Variants in ABLIM1 observed in about 807,000 individuals in gnomAD.
The protein encoded by ABLIM1 is actin binding LIM protein 1, also known as actin-binding LIM protein 1.
Under a neutral mutation model 107.0 loss-of-function variants are expected in ABLIM1, and 40 were observed. The ratio of observed to expected loss-of-function variants is 0.37; its 90% CI spans 0.29 to 0.49. The LOEUF (loss-of-function observed/expected upper bound fraction) is 0.49. Ranked by LOEUF, ABLIM1 falls within the 20% of genes least tolerant of loss-of-function variation. The pLI is 0.97. For synonymous variants in ABLIM1, 357 were observed against 357.3 expected (o/e 1.00, Z 0.01); for missense variants, 857 against 1,008.5 (o/e 0.85, Z 2.04).
At position 114,650,169 on chromosome 10, in the gene ABLIM1, A is replaced by C. The variant is rs536547060; in HGVS notation, c.244+7788T>G. Among the ~76,000 whole-genome samples the C allele has an allele frequency of 8.0e-4, 121 of 152,136 alleles. No individual in the cohort carries two copies. In the South Asian group the frequency reaches 0.024, roughly 31 times the overall value. ...TGTGCCCAGCCTCCACACAATCCAT[A>C]TTCCCTTTCTGTTAGCAGCTTTGTC... is the stretch of plus-strand genomic sequence containing the variant. On this transcript the variant is annotated intron_variant, in intron 1 of 22. Transcript: ENST00000533213.
chr10:114,754,444 T>C (rs1027624216), intron 1 of ABLIM1, among the ~76,000 whole-genome samples: 6 of 152,254 alleles, frequency 3.9e-5, no homozygotes, highest in African/African-American at 1.4e-4. Context: ...GAATGCAGTC[T>C]AGACGTGGCT....
chr10:114,610,937 A>G (rs945092994), intron 1 of ABLIM1, among the ~76,000 whole-genome samples: 1 of 152,038 alleles, frequency 6.6e-6, no homozygotes, highest in Non-Finnish European at 1.5e-5. Flanking sequence ...GCAGATCACG[A>G]GGTCAGGAGT....
intron 1 of ABLIM1, among the ~76,000 whole-genome samples, chr10:114,740,546 G>A (rs1214237522): frequency 1.3e-5 from 2 of 152,024 alleles, no homozygotes; most frequent in African/African-American, 2.4e-5. Context: ...AATGGAAAAT[G>A]TTTGAGTATG....
intron 1 of ABLIM1, among the ~76,000 whole-genome samples, chr10:114,758,576 C>T (rs1233309667): frequency 6.6e-6 from 1 of 152,172 alleles, no homozygotes; most frequent in Non-Finnish European, 1.5e-5. Context: ...CCCTCCTTCC[C>T]CCAGACTCTG....
chr10:114,516,305 C>G (rs1446912194), intron 6 of ABLIM1, among the ~76,000 whole-genome samples: 1 of 152,176 alleles, frequency 6.6e-6, no homozygotes, highest in African/African-American at 2.4e-5. Context: ...AGGCAGATCA[C>G]TTGAGGCCAG....
intron 4 of ABLIM1, among the ~76,000 whole-genome samples, chr10:114,566,056 A>G (rs1019183615): frequency 3.3e-5 from 5 of 152,078 alleles, no homozygotes; most frequent in Non-Finnish European, 5.9e-5. Flanking sequence ...CGGCCTCCCA[A>G]AGTGCCGGGA....
intron 1 of ABLIM1, among the ~76,000 whole-genome samples, chr10:114,643,522 T>C (rs1197435198): frequency 6.6e-6 from 1 of 152,144 alleles, no homozygotes; most frequent in Non-Finnish European, 1.5e-5. Context: ...ATCTTCAGGA[T>C]TTTTTAAGAA....
intron 12 of ABLIM1, among the ~76,000 whole-genome samples, chr10:114,457,602 C>T (rs2063065285): frequency 6.6e-6 from 1 of 152,142 alleles, no homozygotes. Context: ...AACTTTGAAC[C>T]CAACCCTGGC....
intron 4 of ABLIM1, among the ~76,000 whole-genome samples, chr10:114,561,623 C>T (rs2497738): frequency 0.37 from 56,634 of 152,070 alleles, 13,879 homozygotes; most frequent in African/African-American, 0.7. Flanking sequence ...ATTATAGATA[C>T]ACAAAGCAGT....
At chr10:114,518,285 A>C (rs541708282) in intron 6 of ABLIM1, among the ~76,000 whole-genome samples, 2 of 152,100 alleles carry the variant, frequency 1.3e-5, no homozygotes, top group Non-Finnish European at 2.9e-5. Context: ...CCCAACTCTC[A>C]ACAATAGCTA....
intron 1 of ABLIM1, among the ~76,000 whole-genome samples, chr10:114,724,054 G>A (rs886595760): frequency 2.0e-5 from 3 of 152,086 alleles, no homozygotes; most frequent in African/African-American, 7.2e-5. Context: ...ATTTATTTAT[G>A]AAAACCCTTT....
chr10:114,569,481 G>A (rs187832390), intron 4 of ABLIM1, among the ~76,000 whole-genome samples: 2 of 151,952 alleles, frequency 1.3e-5, no homozygotes, highest in East Asian at 1.9e-4. Flanking sequence ...CACCACGCTC[G>A]GCTAATTTTT....
intron 1 of ABLIM1, among the ~76,000 whole-genome samples, chr10:114,731,741 C>G (rs972801912): frequency 2.6e-5 from 4 of 152,054 alleles, no homozygotes; most frequent in Non-Finnish European, 5.9e-5. Flanking sequence ...TCCCAAGTAG[C>G]TAGGATTACA....
intron 8 of ABLIM1, among the ~76,000 whole-genome samples, chr10:114,485,057 G>A (rs1387613688): frequency 1.3e-5 from 2 of 152,280 alleles, no homozygotes; most frequent in Non-Finnish European, 2.9e-5. Flanking sequence ...GGGACCAAAA[G>A]ATAGCTTCTG....
chr10:114,509,322 G>T (rs1472440419), intron 6 of ABLIM1, among the ~76,000 whole-genome samples: 2 of 152,130 alleles, frequency 1.3e-5, no homozygotes, highest in African/African-American at 4.8e-5. Flanking sequence ...TGGTCTTTGT[G>T]GCCATTCGTG....
intron 1 of ABLIM1, among the ~76,000 whole-genome samples, chr10:114,730,330 A>G (rs2082045720): frequency 6.7e-6 from 1 of 150,176 alleles, no homozygotes; most frequent in South Asian, 2.1e-4. Flanking sequence ...CCTAAGAAGC[A>G]GAGGTTGCAG....
chr10:114,715,001 G>A (rs2081630821), intron 1 of ABLIM1, among the ~76,000 whole-genome samples: 2 of 152,088 alleles, frequency 1.3e-5, no homozygotes, highest in South Asian at 4.1e-4. Context: ...CTCAAAGGAA[G>A]AAGGAGAGAA....
upstream of ABLIM1, chr10:114,658,298 TC>T: frequency 6.6e-7 from 1 of 1,508,838 alleles, no homozygotes; most frequent in Non-Finnish European, 8.8e-7. Context: ...CCTTACTGTC[TC>T]CTTTTCTCAC....
chr10:114,608,513 T>C (rs1295761975), intron 1 of ABLIM1, among the ~76,000 whole-genome samples: 1 of 147,618 alleles, frequency 6.8e-6, no homozygotes, highest in Admixed American at 6.8e-5. Flanking sequence ...CTACTGAAAA[T>C]ACAAAATTAG....
Sources: allele counts gnomAD v4.1 joint callset (sites outside exome capture counted in the v4.1 genomes callset), GRCh38; gene constraint gnomAD v4.1.1; transcripts MANE v1.5; gene names NCBI Gene and HGNC (gene_info 2026-07-23, HGNC 2026-07-21).